The following FRMPD4 variants were observed in gnomAD, a reference collection of about 807,000 sequenced individuals.
The protein encoded by FRMPD4 is FERM and PDZ domain-containing protein 4.
Under a neutral mutation model 94.1 loss-of-function variants are expected in FRMPD4, and 22 were observed. The observed-to-expected ratio is 0.23, with a 90% confidence interval of 0.17 to 0.33. FRMPD4 has a LOEUF of 0.33. Among genes scored for constraint, FRMPD4 ranks in the 10% least tolerant of loss-of-function variants. The pLI is 1.00. For missense variants in FRMPD4, 1,111 were observed against 1,339.9 expected, an observed-to-expected ratio of 0.83 and a Z score of 2.67; for synonymous variants, 631 against 548.6, an observed-to-expected ratio of 1.15 and a Z score of -2.10.
chrX:12,718,857 A>G (rs2042163922), intron 16 of FRMPD4, 67 bp downstream of exon 16: 1 of 683,077 alleles, frequency 1.5e-6, no homozygotes, highest in Non-Finnish European at 2.3e-6. Flanking sequence ...ATTTACAACA[A>G]ACTTAAAAAC....
intron 1 of FRMPD4, among the ~76,000 whole-genome samples, chrX:12,325,770 T>C (rs1259794851): frequency 8.9e-6 from 1 of 112,098 alleles, no homozygotes; most frequent in Admixed American, 9.4e-5. Flanking sequence ...TGAAGTAGAA[T>C]CTACATTTTA....
intron 8 of FRMPD4, among the ~76,000 whole-genome samples, chrX:12,691,883 T>C (rs2060083931): frequency 9.1e-6 from 1 of 109,473 alleles, no homozygotes; most frequent in Admixed American, 9.8e-5. Context: ...ATGCTGTCTG[T>C]TATTGATAGT....
rs1317991858 is a variant in FRMPD4 at position 12,061,867 on chromosome X, T to C, written c.95+183849T>C. On this transcript the variant is annotated intron_variant, in intron 3 of 18. Coordinates refer to the FRMPD4 transcript ENST00000640291. ...TATATTTATTATAAATTAAGGTGTGTTGAGCTGATATTAGGGAGATTTCAC... is the reference window on the plus strand; with the variant it reads ...TATATTTATTATAAATTAAGGTGTGCTGAGCTGATATTAGGGAGATTTCAC... Among the ~76,000 whole-genome samples, 3 of 111,661 alleles carry C rather than the reference T, an allele frequency of 2.7e-5. No individual in the cohort carries two copies. The Admixed American group carries it at 2.9e-4, about 11-fold the overall frequency.
At chrX:12,554,760 C>T (rs1386675055) in intron 2 of FRMPD4, among the ~76,000 whole-genome samples, 1 of 111,766 alleles carries the variant, frequency 8.9e-6, no homozygotes, top group Non-Finnish European at 1.9e-5. Context: ...ACTACAGGCA[C>T]ATGCCACCAT....
At chrX:12,087,434 C>G (rs1054150705) in intron 3 of FRMPD4, among the ~76,000 whole-genome samples, 1 of 111,890 alleles carries the variant, frequency 8.9e-6, no homozygotes, top group Non-Finnish European at 1.9e-5. Flanking sequence ...GAATTCCTTG[C>G]TCTTTGTTGA....
At chrX:12,490,431 T>C (rs1467273343) in intron 1 of FRMPD4, among the ~76,000 whole-genome samples, 1 of 111,902 alleles carries the variant, frequency 8.9e-6, no homozygotes, top group Non-Finnish European at 1.9e-5. Flanking sequence ...TTGGTGTTTA[T>C]TTTACGTGTC....
chrX:12,518,815 G>A (rs1429756410), intron 2 of FRMPD4, among the ~76,000 whole-genome samples: 2 of 104,274 alleles, frequency 1.9e-5, no homozygotes, highest in African/African-American at 3.3e-5. Flanking sequence ...TAAAAATTAC[G>A]TGCGCGCGTG....
At position 12,295,788 on chromosome X, in the gene FRMPD4, C is replaced by T. The variant is rs180750694; in HGVS notation, c.41+156776C>T. ...AGTTTAGTTCTCAAATATGAACGTT[C>T]CTTATTTCCAAGTTTTTGAGGATTG... On this transcript the variant is annotated intron_variant, in intron 1 of 16. Coordinates refer to ENST00000675598, the MANE Select transcript of FRMPD4 (RefSeq NM_001368397.1). 5.2e-3 allele frequency among the ~76,000 whole-genome samples: 579 copies of T among 111,749 alleles called. 2 individuals are homozygous for T. Among genetic ancestry groups the T allele is most frequent in the Non-Finnish European group, 7.8e-3 (412 of 53,108 alleles).
At chrX:12,206,300 A>G (rs2056691883) in intron 1 of FRMPD4, among the ~76,000 whole-genome samples, 1 of 112,201 alleles carries the variant, frequency 8.9e-6, no homozygotes, top group South Asian at 3.7e-4. Context: ...TATCTCTTTG[A>G]TGATTCAAAG....
chrX:12,167,856 A>C (rs1358347060), intron 1 of FRMPD4, among the ~76,000 whole-genome samples: 1 of 112,261 alleles, frequency 8.9e-6, no homozygotes, highest in African/African-American at 3.2e-5. Flanking sequence ...TTTGTCTTCC[A>C]GGAATAAAAA....
chrX:12,375,211 C>T (rs1282423285), intron 1 of FRMPD4: 3 of 112,835 alleles, frequency 2.7e-5, no homozygotes, highest in African/African-American at 9.6e-5. Context: ...GCAGAGTTGA[C>T]TTATTAGTTA....
At chrX:12,558,169 G>T (rs1485652112) in intron 2 of FRMPD4, among the ~76,000 whole-genome samples, 1 of 112,623 alleles carries the variant, frequency 8.9e-6, no homozygotes, top group Non-Finnish European at 1.9e-5. Context: ...TCATTCACAT[G>T]TGATAGTAAG....
chrX:12,426,854 T>C (rs2056950843), intron 1 of FRMPD4, among the ~76,000 whole-genome samples: 1 of 99,524 alleles, frequency 1.0e-5, no homozygotes, highest in African/African-American at 3.8e-5. Context: ...CTGATCTCTA[T>C]TTTTTGAGGC....
chrX:12,341,788 C>G (rs1391628405), intron 1 of FRMPD4, among the ~76,000 whole-genome samples: 1 of 111,473 alleles, frequency 9.0e-6, no homozygotes. Context: ...TATGAACAAC[C>G]TGTGATTCAA....
intron 1 of FRMPD4, among the ~76,000 whole-genome samples, chrX:12,458,952 G>A (rs1054843469): frequency 1.8e-4 from 20 of 111,830 alleles, no homozygotes; most frequent in Admixed American, 1.1e-3. Flanking sequence ...TAGAATGCAA[G>A]GAAGAAGCAT....
rs138997247 is a variant in FRMPD4 at position 11,930,760 on chromosome X, G to A, written c.95+52742G>A. ...ACAGCATCCAGAAAGCAGAGGATGG[G>A]CAGGGGAGGCAATTTGATAATCTTT... On this transcript the variant is annotated intron_variant, in intron 3 of 18. Transcript: ENST00000640291. Among the ~76,000 whole-genome samples, 499 of 111,887 alleles carry A rather than the reference G, an allele frequency of 4.5e-3. 3 individuals carry two copies. The highest frequency in any genetic ancestry group is 0.015 in the African/African-American group (468 of 30,836).
chrX:12,417,123 A>G (rs1003547975), intron 1 of FRMPD4, among the ~76,000 whole-genome samples: 1 of 111,355 alleles, frequency 9.0e-6, no homozygotes, highest in Non-Finnish European at 1.9e-5. Context: ...CGATTCATTT[A>G]TCTCTTTATA....
chrX:11,849,897 G>A (rs1203771672), intron 1 of FRMPD4, among the ~76,000 whole-genome samples: 1 of 111,140 alleles, frequency 9.0e-6, no homozygotes, highest in Non-Finnish European at 1.9e-5. Flanking sequence ...GACACCAAAA[G>A]CATAGGCAAC....
rs747117705 is a variant in FRMPD4 at position 11,837,298 on chromosome X, TA to T, written c.-161+14589del. Among the ~76,000 whole-genome samples the T allele has an allele frequency of 8.1e-4, 91 of 111,830 alleles. 1 individual carries two copies. The highest frequency in any genetic ancestry group is 4.6e-3 in the Middle Eastern group (1 of 218). On this transcript the variant is annotated intron_variant, in intron 1 of 18. Coordinates refer to the FRMPD4 transcript ENST00000640291. ...GTATTTCAGTACATTTCTTTTTCAT[TA>T]AAAAATACTAGTTGTCAATTCTTTA...
Sources: gnomAD v4.1 joint callset for allele counts (sites outside exome capture counted in the v4.1 genomes callset) on GRCh38, gnomAD v4.1.1 for gene constraint, MANE v1.5 for transcripts, NCBI Gene and HGNC (gene_info 2026-07-23, HGNC 2026-07-21) for gene names.